Variants in KIF1B observed in about 807,000 individuals in gnomAD.
KIF1B encodes the protein kinesin-like protein KIF1B.
A neutral mutation model predicts 241.9 loss-of-function variants in KIF1B; 76 were observed. That is an observed-to-expected ratio of 0.31 (90% CI 0.26 to 0.38). The LOEUF is 0.38. KIF1B is among the 10% of genes least tolerant of loss of function. The pLI is 1.00. For synonymous variants in KIF1B, 750 were observed against 796.7 expected (o/e 0.94, Z 0.99); for missense variants, 1,622 against 2,271.4 (o/e 0.71, Z 5.81).
In KIF1B at chr1:10,337,451, G is replaced by A. The variant is rs1652221644; in HGVS notation, c.3340G>A (p.Gly1114Ser). Residue 1114 changes from glycine to serine, a missense_variant, in exon 31 of 49, where the codon GGC (glycine) becomes AGC (serine). This residue lies in a region of KIF1B where 803 missense variants were observed against 1,112.0 expected (regional missense o/e 0.72). Coordinates refer to ENST00000676179, the MANE Select transcript of KIF1B (RefSeq NM_001365951.3). This position sits in a 1 kb window ranked among gnomAD's most constrained non-coding sequence, Gnocchi z 4.0. ...SEEIGNHLKL[G>S]SAFTFRVTVL... ...AGAGATTGGCAACCACCTGAAACTG[G>A]GCAGTGCCTTCACTTTCCGAGTAAC... 5.0e-6 allele frequency: 8 copies of A among 1,614,160 alleles called. No homozygotes were observed. The highest frequency in any genetic ancestry group is 1.7e-5 in the Admixed American group (1 of 60,006).
Position 10,303,631 on chromosome 1 carries a change from G to A in KIF1B, c.2115+6385G>A, listed in dbSNP as rs1569773823. On this transcript the variant is annotated intron_variant, in intron 22 of 48. Transcript: ENST00000676179. The surrounding 1 kb of genome is among the most constrained non-coding windows in gnomAD (Gnocchi z 5.2). ...GGCCACTGGGAAAGGCAGCACTGAT[G>A]TAGATGACCTCAAGGTTCATATAGA... is the stretch of plus-strand genomic sequence containing the variant. The A allele has an allele frequency of 6.2e-7, 1 of 1,614,220 alleles. No homozygotes were observed. Among genetic ancestry groups the A allele is most frequent in the Non-Finnish European group, 8.5e-7 (1 of 1,180,034 alleles).
chr1:10,320,117 GGAGGAAGAA>G lies in KIF1B; in HGVS notation c.2201_2209del (p.Glu734_Glu736del), dbSNP rs1187447780. ...CTCTGGCTGCAGAAACAACTGAAGA[GGAGGAAGAA>G]GAGGAAGAAGGTGAAATCTAGAGAC... On this transcript the variant is annotated inframe_deletion, in exon 23 of 49. Coordinates refer to ENST00000676179, the MANE Select transcript of KIF1B (RefSeq NM_001365951.3). The G allele has an allele frequency of 3.1e-6, 5 of 1,612,960 alleles. No individual in the cohort carries two copies. Among genetic ancestry groups the G allele is most frequent in the South Asian group, 1.1e-5 (1 of 91,066 alleles).
In KIF1B at chr1:10,240,721, A is replaced by ATTTTTTT. The variant is rs34449939; in HGVS notation, c.106+8302_106+8308dup. 1.9e-4 allele frequency among the ~76,000 whole-genome samples: 21 copies of ATTTTTTT among 110,020 alleles called. 1 individual carries two copies. Among genetic ancestry groups the ATTTTTTT allele is most frequent in the Admixed American group, 3.2e-4 (3 of 9,334 alleles). 72.2% of individuals were successfully genotyped at this position (110,020 alleles called of 152,430 possible). A position where few individuals can be genotyped will look rare whatever the true frequency, so the allele number is the denominator to read the frequency against. ...GGATTTAAGAATTTATGGGTAGTTC[A>ATTTTTTT]TTTTTTTTTTTTTTTTTTTTTGGTA... On this transcript the variant is annotated intron_variant, in intron 2 of 48. Coordinates refer to ENST00000676179, the MANE Select transcript of KIF1B (RefSeq NM_001365951.3).
chr1:10,325,207 TAC>T (rs1410005358), intron 26 of KIF1B, among the ~76,000 whole-genome samples: 2 of 152,240 alleles, frequency 1.3e-5, no homozygotes, highest in African/African-American at 4.8e-5. Context: ...GCCTGTATCC[TAC>T]ACAGTTTAAA....
At chr1:10,375,419 C>CAAA in intron 48 of KIF1B, 46 bp downstream of exon 48, 4 of 1,516,634 alleles carry the variant, frequency 2.6e-6, no homozygotes, top group Non-Finnish European at 2.7e-6. Flanking sequence ...GACGGAGTCT[C>CAAA]ACTTTTTCTC....
At position 10,378,142 on chromosome 1, in the gene KIF1B, T is replaced by C. The variant is rs1638935339; in HGVS notation, c.*1555T>C. 1.5e-5 allele frequency: 9 copies of C among 589,816 alleles called. No homozygotes were observed. In the Admixed American group the frequency reaches 2.1e-4, roughly 14 times the overall value. 36.5% of individuals were successfully genotyped at this position (589,816 alleles called of 1,614,324 possible). A position where few individuals can be genotyped will look rare whatever the true frequency, so the allele number is the denominator to read the frequency against. ...AGCAAATGTGGCAGGCTTTGCTTTC[T>C]GGATCCCAGGATTAAAACTAACCGT... On this transcript the variant is annotated 3_prime_UTR_variant, in exon 49 of 49. Coordinates refer to ENST00000676179, the MANE Select transcript of KIF1B (RefSeq NM_001365951.3).
chr1:10,337,195 A>G lies in KIF1B; in HGVS notation c.3251A>G (p.Asn1084Ser). 2 of 1,614,196 alleles carry G rather than the reference A, an allele frequency of 1.2e-6. No homozygotes were observed. The highest frequency in any genetic ancestry group is 2.2e-5 in the South Asian group (2 of 91,080). Reference sequence around the variant, plus strand: ...CCTCCAGAAGAAATCAGTCGAATTAATGACTTGGGTATGTAGACATAGTTT... The same window carrying G: ...CCTCCAGAAGAAATCAGTCGAATTAGTGACTTGGGTATGTAGACATAGTTT... ...ITPPEEISRINDLDLKSSTLL... is the reference protein window; with the variant it reads ...ITPPEEISRISDLDLKSSTLL... The change falls in exon 30 of 49, where the codon AAT (asparagine) becomes AGT (serine). Residue 1084 changes from asparagine (N) to serine (S), a missense_variant. By Grantham distance (46) the Asn-to-Ser change is conservative. Transcript: ENST00000676179. The surrounding 1 kb of genome is among the most constrained non-coding windows in gnomAD (Gnocchi z 4.0).
chr1:10,295,039 C>G, intron 17 of KIF1B, 47 bp from the exon 18 acceptor site: 1 of 1,257,660 alleles, frequency 8.0e-7, no homozygotes, highest in Non-Finnish European at 1.2e-6. Context: ...TACCACAGCT[C>G]TCTCATGGTG....
chr1:10,225,101 A>G (rs548971137), intron 1 of KIF1B, among the ~76,000 whole-genome samples: 1 of 152,236 alleles, frequency 6.6e-6, no homozygotes, highest in African/African-American at 2.4e-5. Flanking sequence ...CCCACCGCTC[A>G]CCTCCTGCTG....
chr1:10,222,297 A>G (rs1045704346), intron 1 of KIF1B, among the ~76,000 whole-genome samples: 7 of 152,192 alleles, frequency 4.6e-5, no homozygotes, highest in Admixed American at 3.3e-4. Flanking sequence ...CTAGGAATCC[A>G]TGTGTATAGT....
intron 44 of KIF1B, among the ~76,000 whole-genome samples, chr1:10,370,815 AC>A (rs1638711877): frequency 6.6e-6 from 1 of 151,808 alleles, no homozygotes; most frequent in South Asian, 2.1e-4. Context: ...AAATATTTTC[AC>A]CAGTTGTGGT....
chr1:10,251,746 AG>A, intron 2 of KIF1B, among the ~76,000 whole-genome samples: 1 of 152,066 alleles, frequency 6.6e-6, no homozygotes, highest in South Asian at 2.1e-4. Flanking sequence ...AAAAAAAAAA[AG>A]CTTTATCATT....
Position 10,291,172 on chromosome 1 carries a change from TA to T in KIF1B, c.1514+15del. ...CATCAGAATGGAGAGGTCAGGAGGT[TA>T]AAATCTGGAAATGTTTCTAAGTTTT... is the stretch of plus-strand genomic sequence containing the variant. On this transcript the variant is annotated intron_variant, in intron 16 of 48. Coordinates refer to ENST00000676179, the MANE Select transcript of KIF1B (RefSeq NM_001365951.3). 6.3e-7 allele frequency: 1 copy of T among 1,584,458 alleles called. No homozygotes were observed. Among genetic ancestry groups the T allele is most frequent in the Non-Finnish European group, 8.7e-7 (1 of 1,153,562 alleles).
chr1:10,293,353 G>A (rs1650100732), intron 17 of KIF1B, among the ~76,000 whole-genome samples: 1 of 150,960 alleles, frequency 6.6e-6, no homozygotes, highest in Non-Finnish European at 1.5e-5. Flanking sequence ...TCTAATAAAG[G>A]TATTTTATAA....
chr1:10,226,988 C>CAAAA (rs780700173), intron 1 of KIF1B, among the ~76,000 whole-genome samples: 1 of 143,090 alleles, frequency 7.0e-6, no homozygotes, highest in East Asian at 2.0e-4. Flanking sequence ...AACAAACAAA[C>CAAAA]AAAAAAATAC....
At chr1:10,304,975 C>T (rs1399201687) in intron 22 of KIF1B, 3 of 1,144,350 alleles carry the variant, frequency 2.6e-6, no homozygotes, top group African/African-American at 3.2e-5. Context: ...TTTATAATGC[C>T]TATAAATTAA....
Position 10,374,700 on chromosome 1 carries a change from A to G in KIF1B, c.5097-154A>G, listed in dbSNP as rs1453821506. On this transcript the variant is annotated intron_variant, in intron 46 of 48. Coordinates refer to ENST00000676179, the MANE Select transcript of KIF1B (RefSeq NM_001365951.3). The surrounding 1 kb of genome is among the most constrained non-coding windows in gnomAD (Gnocchi z 4.3). The stretch of plus-strand genomic sequence containing the variant: ...CATGGCACGGTTTCGCTTTTGCCGT[A>G]TTACTTTGGCAGATAAGATTCTAGG... 2.0e-5 allele frequency among the ~76,000 whole-genome samples: 3 copies of G among 152,176 alleles called. No homozygotes were observed. The highest frequency in any genetic ancestry group is 7.2e-5 in the African/African-American group (3 of 41,456).
At chr1:10,286,386 C>T (rs1047387965) in intron 15 of KIF1B, among the ~76,000 whole-genome samples, 8 of 152,198 alleles carry the variant, frequency 5.3e-5, no homozygotes, top group East Asian at 1.9e-4. Context: ...CCACAGCTCT[C>T]GTGTTTATTA....
rs1345501138 is a variant in KIF1B, at chr1:10,268,147, T to C, written c.609-5T>C. 1 of 1,607,042 alleles carries C rather than the reference T, an allele frequency of 6.2e-7. No individual in the cohort carries two copies. Among genetic ancestry groups the C allele is most frequent in the African/African-American group, 1.3e-5 (1 of 74,924 alleles). ...TGTCACGTGGTCACCTTTATGTTTA[T>C]TTAGGACAGTGGCAGCTACAAACAT... On this transcript the variant is annotated splice_polypyrimidine_tract_variant and splice_region_variant and intron_variant, in intron 6 of 48. Transcript: ENST00000676179.
Sources: allele counts gnomAD v4.1 joint callset (sites outside exome capture counted in the v4.1 genomes callset), GRCh38; gene constraint gnomAD v4.1.1; regional missense constraint gnomAD v4.1.1; non-coding constraint Gnocchi (gnomAD v3.1); transcripts MANE v1.5; gene names NCBI Gene and HGNC (gene_info 2026-07-23, HGNC 2026-07-21).